Variants in TESK2 observed in about 807,000 individuals in gnomAD.
TESK2 encodes testis associated actin remodelling kinase 2.
Under a neutral mutation model 57.1 loss-of-function variants are expected in TESK2, and 39 were observed. The observed-to-expected ratio is 0.68, with a 90% confidence interval of 0.53 to 0.89. TESK2 has a LOEUF of 0.89. TESK2 is among the 40% of genes least tolerant of loss of function. The pLI, the probability that TESK2 is intolerant of heterozygous loss-of-function variation, is 0.00. For synonymous variants in TESK2, 249 were observed against 267.9 expected, an observed-to-expected ratio of 0.93 and a Z score of 0.69; for missense variants, 646 against 732.1, an observed-to-expected ratio of 0.88 and a Z score of 1.36.
chr1:45,414,334 C>T (rs1344182772), intron 3 of TESK2, among the ~76,000 whole-genome samples: 1 of 152,198 alleles, frequency 6.6e-6, no homozygotes, highest in Non-Finnish European at 1.5e-5. Flanking sequence ...AGAGGGCAAA[C>T]CCACGTGGCT....
intron 3 of TESK2, among the ~76,000 whole-genome samples, chr1:45,397,571 TTCTC>T (rs996928512): frequency 6.6e-6 from 1 of 151,988 alleles, no homozygotes; most frequent in African/African-American, 2.4e-5. Context: ...TCCACCTGCA[TTCTC>T]TCTCTTTTCT....
chr1:45,388,446 C>G (rs1648987422), intron 3 of TESK2, among the ~76,000 whole-genome samples: 1 of 152,178 alleles, frequency 6.6e-6, no homozygotes, highest in South Asian at 2.1e-4. Flanking sequence ...ATGATGGGTA[C>G]TAGCAGGAAT....
At chr1:45,401,513 T>A (rs564392393) in intron 3 of TESK2, among the ~76,000 whole-genome samples, 2 of 151,996 alleles carry the variant, frequency 1.3e-5, no homozygotes, top group South Asian at 4.2e-4. Context: ...GTAGGAAGAG[T>A]TCTGGGGCCA....
chr1:45,454,750 G>A (rs1652007025), intron 2 of TESK2, among the ~76,000 whole-genome samples: 1 of 151,998 alleles, frequency 6.6e-6, no homozygotes, highest in Non-Finnish European at 1.5e-5. Context: ...ATAGCCAAAA[G>A]GTGGAAACAG....
chr1:45,475,751 C>A (rs1156783234), intron 1 of TESK2, among the ~76,000 whole-genome samples: 1 of 152,076 alleles, frequency 6.6e-6, no homozygotes, highest in East Asian at 1.9e-4. Flanking sequence ...TGGGTGGGCA[C>A]CATCTAATCA....
At chr1:45,418,308 T>A (rs1650331278) in intron 3 of TESK2, among the ~76,000 whole-genome samples, 1 of 152,198 alleles carries the variant, frequency 6.6e-6, no homozygotes, top group East Asian at 1.9e-4. Flanking sequence ...TACCTCACTC[T>A]CAAACATGGT....
chr1:45,425,285 CA>C (rs1650642115), intron 2 of TESK2, among the ~76,000 whole-genome samples: 1 of 151,894 alleles, frequency 6.6e-6, no homozygotes, highest in South Asian at 2.1e-4. Flanking sequence ...AAAAAGAAAC[CA>C]AAAAGTAATC....
At chr1:45,390,150 G>A (rs912644966) in intron 3 of TESK2, among the ~76,000 whole-genome samples, 13 of 151,914 alleles carry the variant, frequency 8.6e-5, no homozygotes, top group South Asian at 2.1e-4. Flanking sequence ...AAATTCTTCC[G>A]CCAGGCACAG....
chr1:45,484,067 T>C (rs1017490656), intron 1 of TESK2, among the ~76,000 whole-genome samples: 22 of 151,236 alleles, frequency 1.5e-4, no homozygotes, highest in African/African-American at 5.1e-4. Flanking sequence ...CCCTGTTTTG[T>C]TCAAGGGCCA....
chr1:45,384,766 TATTA>T (rs1648823551), intron 4 of TESK2, among the ~76,000 whole-genome samples: 1 of 151,850 alleles, frequency 6.6e-6, no homozygotes, highest in Non-Finnish European at 1.5e-5. Flanking sequence ...GGGCAGGTAT[TATTA>T]ATTATTATTA....
intron 4 of TESK2, among the ~76,000 whole-genome samples, chr1:45,373,725 C>G (rs998506424): frequency 9.9e-5 from 15 of 152,112 alleles, no homozygotes; most frequent in African/African-American, 3.4e-4. Context: ...ACCAGGATAA[C>G]AAGAAAAGAC....
intron 2 of TESK2, among the ~76,000 whole-genome samples, chr1:45,432,190 C>A (rs970104376): frequency 1.3e-5 from 2 of 151,814 alleles, no homozygotes; most frequent in East Asian, 2.0e-4. Context: ...CAAAGCAATA[C>A]CCTGTCTCTA....
chr1:45,485,523 ATTT>A (rs71052884), intron 1 of TESK2, among the ~76,000 whole-genome samples: 1 of 136,442 alleles, frequency 7.3e-6, no homozygotes. Context: ...TTTTTATTTT[ATTT>A]TTTTTTTTTT....
chr1:45,479,009 C>G (rs1013677448), intron 1 of TESK2, among the ~76,000 whole-genome samples: 4 of 152,132 alleles, frequency 2.6e-5, no homozygotes, highest in Non-Finnish European at 4.4e-5. Context: ...CAGGGGTGAG[C>G]AACCATACCC....
chr1:45,449,556 GATTA>G (rs748331191), intron 2 of TESK2, among the ~76,000 whole-genome samples: 51 of 152,166 alleles, frequency 3.4e-4, no homozygotes, highest in East Asian at 9.6e-4. Context: ...ATGGAGGATA[GATTA>G]ATTAATTAAT....
intron 5 of TESK2, among the ~76,000 whole-genome samples, chr1:45,352,297 A>AG (rs1353513901): frequency 2.6e-5 from 4 of 152,230 alleles, no homozygotes; most frequent in African/African-American, 9.6e-5. Context: ...CCAGAAATAT[A>AG]GGGAGTTATT....
intron 3 of TESK2, among the ~76,000 whole-genome samples, chr1:45,412,303 T>C (rs992187127): frequency 6.6e-6 from 1 of 152,160 alleles, no homozygotes; most frequent in African/African-American, 2.4e-5. Context: ...AGCCCACATA[T>C]ACGGGAAGGA....
chr1:45,357,733 T>C (rs994538651), intron 4 of TESK2, among the ~76,000 whole-genome samples: 2 of 151,184 alleles, frequency 1.3e-5, no homozygotes, highest in Non-Finnish European at 2.9e-5. Context: ...GGTGGGATCA[T>C]AGTAGCTAAC....
At chr1:45,442,018 C>A (rs1171163396) in intron 2 of TESK2, among the ~76,000 whole-genome samples, 1 of 152,172 alleles carries the variant, frequency 6.6e-6, no homozygotes, top group Non-Finnish European at 1.5e-5. Context: ...CTCACCGCAA[C>A]CTCCACCTCC....
Sources: gnomAD v4.1 joint callset for allele counts (sites outside exome capture counted in the v4.1 genomes callset) on GRCh38, gnomAD v4.1.1 for gene constraint, MANE v1.5 for transcripts, NCBI Gene and HGNC (gene_info 2026-07-23, HGNC 2026-07-21) for gene names.